The following THNSL1 variants were observed in gnomAD, a reference collection of about 807,000 sequenced individuals.
The protein encoded by THNSL1 is threonine synthase-like 1.
THNSL1 carries 48 observed loss-of-function variants against 50.4 expected under a neutral mutation model. The observed-to-expected ratio is 0.95, with a 90% CI of 0.76 to 1.21. THNSL1 has a LOEUF of 1.21. Ranked by LOEUF, THNSL1 falls within the 50% of genes most tolerant of loss-of-function variation. The pLI, the probability that THNSL1 is intolerant of heterozygous loss-of-function variation, is 0.00. For synonymous variants in THNSL1, 309 were observed against 306.1 expected (o/e 1.01, Z -0.10); for missense variants, 896 against 871.7 (o/e 1.03, Z -0.35).
At chr10:24,977,092 T>C in the THNSL1 span, among the ~76,000 whole-genome samples, 14 of 152,218 alleles carry the variant, frequency 9.2e-5, no homozygotes, top group South Asian at 8.3e-4. Flanking sequence ...TGGTGTGTGG[T>C]TGATAAAGAG....
chr10:24,968,867 C>T, the THNSL1 span, among the ~76,000 whole-genome samples: 6 of 152,296 alleles, frequency 3.9e-5, no homozygotes, highest in East Asian at 9.7e-4. Context: ...CCTCTATTTT[C>T]CCAACTATTG....
chr10:24,989,258 C>A, the THNSL1 span, among the ~76,000 whole-genome samples: 330 of 152,300 alleles, frequency 2.2e-3, 1 homozygote, highest in Non-Finnish European at 3.3e-3. Flanking sequence ...TCCATGTCTG[C>A]CAGCCTTCCT....
chr10:24,985,022 T>C, the THNSL1 span: 2 of 826,002 alleles, frequency 2.4e-6, no homozygotes, highest in East Asian at 2.6e-5. Context: ...CAAAAATAAC[T>C]TCTAAAATGA....
chr10:25,023,179 T>G lies in THNSL1; in HGVS notation c.-45T>G, dbSNP rs767404907. On this transcript the variant is annotated 5_prime_UTR_variant, in exon 3 of 3. Transcript: ENST00000376356. Reference sequence around the variant, plus strand: ...GTTTGTTTTGTGTTTTGAAAAGGGCTAAAGCCAATTTTTAGGTTGGCTTGG... The same window carrying G: ...GTTTGTTTTGTGTTTTGAAAAGGGCGAAAGCCAATTTTTAGGTTGGCTTGG... 5 of 1,561,350 alleles carry G rather than the reference T, an allele frequency of 3.2e-6. No individual in the cohort carries two copies. Among genetic ancestry groups the G allele is most frequent in the Non-Finnish European group, 4.3e-6 (5 of 1,156,154 alleles).
chr10:24,959,817 C>T, the THNSL1 span, among the ~76,000 whole-genome samples: 3 of 152,052 alleles, frequency 2.0e-5, no homozygotes, highest in Non-Finnish European at 4.4e-5. Flanking sequence ...CTTAAAGATA[C>T]ACTAAAAGGA....
chr10:24,970,913 A>T, the THNSL1 span, among the ~76,000 whole-genome samples: 1 of 151,852 alleles, frequency 6.6e-6, no homozygotes, highest in Non-Finnish European at 1.5e-5. Context: ...AATCTCAGCT[A>T]CTCAGGAGGC....
the THNSL1 span, chr10:24,999,376 A>G: frequency 6.3e-7 from 1 of 1,576,282 alleles, no homozygotes; most frequent in South Asian, 1.2e-5. Context: ...TTTTAATATT[A>G]AAAATAAAGC....
At chr10:24,976,671 T>G in the THNSL1 span, among the ~76,000 whole-genome samples, 1 of 151,978 alleles carries the variant, frequency 6.6e-6, no homozygotes, top group Non-Finnish European at 1.5e-5. Context: ...TTGTGTGTTT[T>G]TAGTAGAGAC....
chr10:24,965,028 T>G, the THNSL1 span, among the ~76,000 whole-genome samples: 1 of 148,544 alleles, frequency 6.7e-6, no homozygotes, highest in Middle Eastern at 3.5e-3. Context: ...GTCACTGCAC[T>G]CCAGCCTGGA....
chr10:25,016,239 T>C (rs893922800), upstream of THNSL1: 3 of 1,034,268 alleles, frequency 2.9e-6, no homozygotes, highest in African/African-American at 1.7e-5. Flanking sequence ...CTTCCCTCTT[T>C]CTGCAGCGCC....
At chr10:25,019,660 C>T (rs1850678707) in intron 1 of THNSL1, among the ~76,000 whole-genome samples, 1 of 152,162 alleles carries the variant, frequency 6.6e-6, no homozygotes, top group African/African-American at 2.4e-5. Flanking sequence ...ATATAAAGGA[C>T]TTGCACATCT....
the THNSL1 span, chr10:24,990,390 A>C: frequency 6.6e-7 from 1 of 1,521,160 alleles, no homozygotes; most frequent in Non-Finnish European, 8.8e-7. Flanking sequence ...TTTAATCATC[A>C]AAGTGATGGT....
the THNSL1 span, among the ~76,000 whole-genome samples, chr10:25,002,302 C>A: frequency 6.6e-6 from 1 of 152,184 alleles, no homozygotes; most frequent in East Asian, 1.9e-4. Context: ...TTAGGGAACT[C>A]CTTGTTCATA....
At chr10:24,955,601 C>G in the THNSL1 span, among the ~76,000 whole-genome samples, 1 of 152,038 alleles carries the variant, frequency 6.6e-6, no homozygotes, top group Non-Finnish European at 1.5e-5. Flanking sequence ...AAATGTATGA[C>G]CAAATGTTTG....
chr10:25,011,916 A>T (rs1440913279), upstream of THNSL1, among the ~76,000 whole-genome samples: 1 of 152,242 alleles, frequency 6.6e-6, no homozygotes, highest in Non-Finnish European at 1.5e-5. Context: ...AGCCTGTCAG[A>T]GGTCTCCACA....
At chr10:25,011,227 G>C in the THNSL1 span, among the ~76,000 whole-genome samples, 1 of 152,090 alleles carries the variant, frequency 6.6e-6, no homozygotes, top group Non-Finnish European at 1.5e-5. Context: ...CTGTCTTTTG[G>C]CTGCATAAAT....
chr10:24,991,503 C>T, the THNSL1 span, among the ~76,000 whole-genome samples: 2,640 of 151,998 alleles, frequency 0.017, 83 homozygotes, highest in African/African-American at 0.061. Flanking sequence ...CAGGGGCGTG[C>T]CAACAAAAGA....
the THNSL1 span, among the ~76,000 whole-genome samples, chr10:25,001,479 A>C: frequency 1.3e-5 from 2 of 151,736 alleles, no homozygotes; most frequent in Admixed American, 6.6e-5. Context: ...CTGTTTCCTC[A>C]TCCGTTTTCT....
At chr10:24,963,968 C>T in the THNSL1 span, among the ~76,000 whole-genome samples, 23 of 152,004 alleles carry the variant, frequency 1.5e-4, no homozygotes, top group South Asian at 1.0e-3. Flanking sequence ...GTTTGTAAAA[C>T]GCCATGAATT....
Sources: gnomAD v4.1 joint callset for allele counts (sites outside exome capture counted in the v4.1 genomes callset) on GRCh38, gnomAD v4.1.1 for gene constraint, MANE v1.5 for transcripts, NCBI Gene and HGNC (gene_info 2026-07-23, HGNC 2026-07-21) for gene names.